JAG1: variants seen among roughly 807,000 people sequenced by gnomAD.
The protein encoded by JAG1 is protein jagged-1.
Under a neutral mutation model 148.7 loss-of-function variants are expected in JAG1, and 23 were observed. That is an observed-to-expected ratio of 0.15 (90% confidence interval 0.11 to 0.22). The LOEUF (loss-of-function observed/expected upper bound fraction) is 0.22, where lower values mean the gene tolerates loss of function less well. JAG1 is among the 10% of genes least tolerant of loss of function. JAG1 has a pLI of 1.00. For missense variants in JAG1, 1,054 were observed against 1,611.2 expected (o/e 0.65, Z 5.92); for synonymous variants, 572 against 598.3 (o/e 0.96, Z 0.64).
intron 21 of JAG1, 72 bp downstream of exon 21, chr20:10,642,416 A>C: frequency 2.3e-6 from 2 of 869,894 alleles, no homozygotes; most frequent in South Asian, 2.7e-5. Context: ...TTATTTGTGA[A>C]AAGTCAAATG....
At chr20:10,649,185 C>T in intron 10 of JAG1, 78 bp from the exon 11 acceptor site, 2 of 967,602 alleles carry the variant, frequency 2.1e-6, no homozygotes, top group Non-Finnish European at 3.3e-6. Context: ...CTTCTCAGCT[C>T]AGGATAGATA....
chr20:10,670,913 C>T (rs2067490690), intron 2 of JAG1, among the ~76,000 whole-genome samples: 2 of 152,214 alleles, frequency 1.3e-5, no homozygotes, highest in South Asian at 2.1e-4. Flanking sequence ...GGACTCTGAC[C>T]AAGTGTCAAA....
In JAG1 at chr20:10,649,042, T is replaced by G. The variant is rs1386450141; in HGVS notation, c.1395+19A>C. On this transcript the variant is annotated intron_variant, in intron 11 of 25. Coordinates refer to ENST00000254958, the MANE Select transcript of JAG1 (RefSeq NM_000214.3). ...GTTGTCAATTGTCAAAGTTTTGATT[T>G]AAGCAAAGATTTACATACCCGACAG... 1 of 1,593,458 alleles carries G rather than the reference T, an allele frequency of 6.3e-7. No individual in the cohort carries two copies.
chr20:10,650,573 C>A (rs922602059), intron 8 of JAG1: 1 of 556,040 alleles, frequency 1.8e-6, no homozygotes, highest in Non-Finnish European at 3.2e-6. Context: ...ATGTAATCCC[C>A]AACCTAAGCA....
At chr20:10,662,204 C>T (rs2067421938) in intron 3 of JAG1, 1 of 152,148 alleles carries the variant, frequency 6.6e-6, no homozygotes, top group African/African-American at 2.4e-5. Flanking sequence ...ATTCCTACCT[C>T]AGTCTTTCTT....
intron 2 of JAG1, among the ~76,000 whole-genome samples, chr20:10,668,025 G>A (rs895035957): frequency 2.0e-5 from 3 of 149,554 alleles, no homozygotes; most frequent in South Asian, 4.2e-4. Context: ...TTTAACTACT[G>A]GGAGCCACCT....
chr20:10,663,236 C>T (rs1307886346), intron 3 of JAG1, among the ~76,000 whole-genome samples: 1 of 152,188 alleles, frequency 6.6e-6, no homozygotes, highest in African/African-American at 2.4e-5. Context: ...AACCCAAACT[C>T]TGCTGGCAAA....
chr20:10,649,154 A>C (rs2067329399), intron 10 of JAG1, 47 bp from the exon 11 acceptor site: 1 of 1,258,668 alleles, frequency 7.9e-7, no homozygotes, highest in Admixed American at 1.7e-5. Context: ...TTTACAGTGA[A>C]ATTGGGCTTA....
Position 10,672,963 on chromosome 20 carries a change from A to G in JAG1, c.125T>C (p.Met42Thr). ...SGQFELEILS[M>T]QNVNGELQNG... ...CTGCAGCTCCCCGTTCACGTTCTGC[A>G]TGGACAGGATCTCCAACTCGAACTG... Residue 42 changes from methionine (M) to threonine (T), a missense_variant, in exon 2 of 26, where the codon ATG (methionine) becomes ACG (threonine). Met to Thr is a moderately conservative substitution (Grantham distance 81). Transcript: ENST00000254958. The G allele has an allele frequency of 6.2e-7, 1 of 1,612,282 alleles. No individual in the cohort carries two copies.
At chr20:10,641,754 G>A (rs932181972) in intron 22 of JAG1, 29 bp downstream of exon 22, 1 of 1,608,350 alleles carries the variant, frequency 6.2e-7, no homozygotes, top group Non-Finnish European at 8.5e-7. Context: ...CCAGAACACA[G>A]GTGAACTGCG....
At chr20:10,651,415 G>C in intron 8 of JAG1, 166 bp downstream of exon 8, 1 of 604,020 alleles carries the variant, frequency 1.7e-6, no homozygotes, top group Non-Finnish European at 3.0e-6. Flanking sequence ...GGGGTGCTGG[G>C]AGACTTCCAA....
rs1244964222 is a variant in JAG1, at chr20:10,639,855, G to T, written c.3300C>A (p.Gly1100=). The change falls in exon 26 of 26, where the codon GGC becomes GGA. Residue 1100 remains glycine (G), a synonymous_variant. Transcript: ENST00000254958. The part of the protein sequence containing the change: ...YWCLRKRRKP[G]SHTHSASEDN... ...CCTCAGAGGCTGAGTGTGTGTGGCT[G>T]CCCGGCTTCCGCCGCTTCCGCAGGC... 6.2e-7 allele frequency: 1 copy of T among 1,614,006 alleles called. No homozygotes were observed. Among genetic ancestry groups the T allele is most frequent in the Non-Finnish European group, 8.5e-7 (1 of 1,179,978 alleles).
At chr20:10,663,607 C>T (rs149054864) in intron 3 of JAG1, among the ~76,000 whole-genome samples, 124 of 152,328 alleles carry the variant, frequency 8.1e-4, no homozygotes, top group African/African-American at 2.7e-3. Flanking sequence ...AGATTAAACA[C>T]TCACTTAAAG....
chr20:10,673,564 C>T lies in JAG1; in HGVS notation c.-34G>A, dbSNP rs2067514068. ...CGCGCGCCGCGGGCACTCGGGACGC[C>T]GCCGCTGCTGTTCGCGCTGGTGCTG... On this transcript the variant is annotated 5_prime_UTR_variant, in exon 1 of 26. Coordinates refer to ENST00000254958, the MANE Select transcript of JAG1 (RefSeq NM_000214.3). The surrounding 1 kb of genome is among the most constrained non-coding windows in gnomAD (Gnocchi z 4.7). 1 of 1,192,452 alleles carries T rather than the reference C, an allele frequency of 8.4e-7. No individual in the cohort carries two copies. The highest frequency in any genetic ancestry group is 1.1e-6 in the Non-Finnish European group (1 of 946,788). 73.9% of individuals were successfully genotyped at this position (1,192,452 alleles called of 1,614,324 possible). A position where few individuals can be genotyped will look rare whatever the true frequency, so the allele number is the denominator to read the frequency against.
At chr20:10,663,854 A>G (rs2122631940) in intron 3 of JAG1, 109 bp downstream of exon 3, 1 of 839,412 alleles carries the variant, frequency 1.2e-6, no homozygotes, top group East Asian at 2.5e-5. Flanking sequence ...AGAAGGCAAG[A>G]GGTGGCAGAA....
chr20:10,657,177 A>G (rs1478917305), intron 4 of JAG1, among the ~76,000 whole-genome samples: 3 of 152,162 alleles, frequency 2.0e-5, no homozygotes, highest in Non-Finnish European at 4.4e-5. Context: ...ACCAGCCTCA[A>G]CAACATAGCA....
intron 5 of JAG1, among the ~76,000 whole-genome samples, chr20:10,653,740 T>C (rs2067361336): frequency 6.6e-6 from 1 of 152,076 alleles, no homozygotes; most frequent in African/African-American, 2.4e-5. Flanking sequence ...GGCTTTCGGT[T>C]TCCCAAGAGC....
Position 10,644,906 on chromosome 20 carries a change from C to T in JAG1, c.2301G>A (p.Thr767=), listed in dbSNP as rs147634857. Residue 767 remains threonine, a synonymous_variant, in exon 18 of 26, where the codon ACG becomes ACA. Coordinates refer to ENST00000254958, the MANE Select transcript of JAG1 (RefSeq NM_000214.3). ...GTCVVNGESF[T]CVCKEGWEGP... ...CCTCCCAGCCTTCCTTGCAGACGCA[C>T]GTAAAGGACTCGCCGTTGACCACAC... The T allele has an allele frequency of 2.7e-4, 442 of 1,614,114 alleles. 1 individual carries two copies. The African/African-American group carries it at 5.5e-3, about 20-fold the overall frequency.
chr20:10,641,909 G>T lies in JAG1; in HGVS notation c.2573-17C>A. The T allele has an allele frequency of 6.6e-7, 1 of 1,522,956 alleles. No homozygotes were observed. 94.3% of individuals were successfully genotyped at this position (1,522,956 alleles called of 1,614,324 possible). On this transcript the variant is annotated splice_polypyrimidine_tract_variant and intron_variant, in intron 21 of 25. Coordinates refer to ENST00000254958, the MANE Select transcript of JAG1 (RefSeq NM_000214.3). ...TCCCTGAAACTGACAGGTGGAGACG[G>T]GTGAGCAGTTTATTTTTCTGTGAAC...
Sources: allele counts gnomAD v4.1 joint callset (sites outside exome capture counted in the v4.1 genomes callset), GRCh38; gene constraint gnomAD v4.1.1; non-coding constraint Gnocchi (gnomAD v3.1); transcripts MANE v1.5; gene names NCBI Gene and HGNC (gene_info 2026-07-23, HGNC 2026-07-21).